The following DLGAP3 variants were observed in gnomAD, a reference collection of about 807,000 sequenced individuals.
DLGAP3 encodes disks large-associated protein 3.
Under a neutral mutation model 81.2 loss-of-function variants are expected in DLGAP3, and 17 were observed. That is an observed-to-expected ratio of 0.21 (90% CI 0.14 to 0.31). The LOEUF is 0.31. Ranked by LOEUF, DLGAP3 falls within the 10% of genes least tolerant of loss-of-function variation. The pLI is 1.00. For synonymous variants in DLGAP3, 577 were observed against 587.4 expected, an observed-to-expected ratio of 0.98 and a Z score of 0.26; for missense variants, 1,124 against 1,388.0, an observed-to-expected ratio of 0.81 and a Z score of 3.02.
Position 34,905,216 on chromosome 1 carries a change from G to A in DLGAP3, c.168C>T (p.His56=). 1 of 1,595,456 alleles carries A rather than the reference G, an allele frequency of 6.3e-7. No individual in the cohort carries two copies. ...GGCTCAGGGGCCCTTCAGGAGAAAT[G>A]TGTCCCAGGCCAGCTCTCGGGGCAC... The part of the protein sequence containing the change: ...RFCAPRAGLG[H]ISPEGPLSLS... Residue 56 remains histidine, a synonymous_variant, in exon 3 of 12, where the codon CAC becomes CAT. Transcript: ENST00000373347.
chr1:34,885,142 C>G (rs1557468581), intron 7 of DLGAP3, 79 bp from the exon 8 acceptor site: 1 of 1,361,026 alleles, frequency 7.3e-7, no homozygotes. Flanking sequence ...CTAGCAATGG[C>G]TGCGCCCCAA....
At chr1:34,910,345 G>T (rs1639620023) in intron 1 of DLGAP3, among the ~76,000 whole-genome samples, 1 of 152,110 alleles carries the variant, frequency 6.6e-6, no homozygotes, top group South Asian at 2.1e-4. Flanking sequence ...CTCCTAACTG[G>T]TCTCCCTGCT....
chr1:34,925,534 G>A (rs1027369288), intron 1 of DLGAP3: 1 of 152,280 alleles, frequency 6.6e-6, no homozygotes, highest in Non-Finnish European at 1.5e-5. Context: ...GGGGAGAGGG[G>A]AGAGGGGAAG....
At chr1:34,897,118 A>G (rs1014322923) in intron 5 of DLGAP3, among the ~76,000 whole-genome samples, 8 of 152,220 alleles carry the variant, frequency 5.3e-5, no homozygotes, top group African/African-American at 1.7e-4. Flanking sequence ...AAACGAAAAA[A>G]AAATAGACTG....
Position 34,902,361 on chromosome 1 carries a change from G to C in DLGAP3, c.1107+1916C>G, listed in dbSNP as rs577086948. Among the ~76,000 whole-genome samples, 434 of 152,226 alleles carry C rather than the reference G, an allele frequency of 2.9e-3. 4 individuals are homozygous for C. The highest frequency in any genetic ancestry group is 1.0e-2 in the African/African-American group (414 of 41,542). Reference sequence around the variant, plus strand: ...CTCTTCAAGGGGCTAGGGCTCATTTGGATGATGGGAAACAAAGAGATGAGG... The same window carrying C: ...CTCTTCAAGGGGCTAGGGCTCATTTCGATGATGGGAAACAAAGAGATGAGG... On this transcript the variant is annotated intron_variant, in intron 3 of 11. Transcript: ENST00000373347. This position sits in a 1 kb window ranked among gnomAD's most constrained non-coding sequence, Gnocchi z 4.4.
intron 8 of DLGAP3, among the ~76,000 whole-genome samples, chr1:34,869,456 C>G (rs1638945150): frequency 6.7e-6 from 1 of 150,102 alleles, no homozygotes. Flanking sequence ...TGGCTCTTTA[C>G]CAGTGAAGGC....
chr1:34,913,951 T>C (rs1167343322), intron 1 of DLGAP3, among the ~76,000 whole-genome samples: 3 of 152,174 alleles, frequency 2.0e-5, no homozygotes, highest in African/African-American at 7.2e-5. Flanking sequence ...CCCCCAGATA[T>C]GTCCCTCTGC....
intron 2 of DLGAP3, among the ~76,000 whole-genome samples, chr1:34,906,710 T>A (rs935133843): frequency 6.6e-6 from 1 of 152,146 alleles, no homozygotes; most frequent in African/African-American, 2.4e-5. Flanking sequence ...TAAACTGGGA[T>A]TGGAACCCAG....
intron 2 of DLGAP3, among the ~76,000 whole-genome samples, chr1:34,906,016 T>TTTTTTATATATATATA (rs60469155): frequency 9.3e-5 from 6 of 64,806 alleles, no homozygotes; most frequent in Non-Finnish European, 1.4e-4. Context: ...GCCTCTAAAT[T>TTTTTTATATATATATA]TATATATATA....
chr1:34,900,022 G>A lies in DLGAP3; in HGVS notation c.1313+46C>T. 1 of 1,522,896 alleles carries A rather than the reference G, an allele frequency of 6.6e-7. No individual in the cohort carries two copies. The highest frequency in any genetic ancestry group is 9.0e-7 in the Non-Finnish European group (1 of 1,106,964). 94.3% of individuals were successfully genotyped at this position (1,522,896 alleles called of 1,614,324 possible). A position where few individuals can be genotyped will look rare whatever the true frequency, so the allele number is the denominator to read the frequency against. On this transcript the variant is annotated intron_variant, in intron 4 of 11. Transcript: ENST00000373347. The surrounding 1 kb of genome is among the most constrained non-coding windows in gnomAD (Gnocchi z 5.6). Reference sequence around the variant, plus strand: ...TACACACATCTCCCGCAGGAGTCCAGCATCAGCCTCCTGACCCCGCACCCC... The same window carrying A: ...TACACACATCTCCCGCAGGAGTCCAACATCAGCCTCCTGACCCCGCACCCC...
chr1:34,924,079 C>T (rs914844638), intron 1 of DLGAP3, among the ~76,000 whole-genome samples: 1 of 152,132 alleles, frequency 6.6e-6, no homozygotes, highest in African/African-American at 2.4e-5. Context: ...GCTCTCATCC[C>T]CCTGGGATGA....
intron 5 of DLGAP3, among the ~76,000 whole-genome samples, chr1:34,891,563 C>G (rs549713088): frequency 2.0e-5 from 3 of 152,224 alleles, no homozygotes; most frequent in African/African-American, 7.2e-5. Context: ...GAGCCACCCA[C>G]ACATCCCTAG....
At chr1:34,899,614 T>G in intron 5 of DLGAP3, 55 bp downstream of exon 5, 1 of 1,433,300 alleles carries the variant, frequency 7.0e-7, no homozygotes, top group African/African-American at 1.4e-5. Flanking sequence ...AAGCTGAGCA[T>G]GGGACTGAAT....
At position 34,865,730 on chromosome 1, in the gene DLGAP3, G is replaced by C. The variant is rs1014771896; in HGVS notation, c.*353C>G. Reference sequence around the variant, plus strand: ...CCCAGCCCCGCGGGGTGGGGGAGGGGGGGACGCAGAGCCCAGATGAGGGAC... The same window carrying C: ...CCCAGCCCCGCGGGGTGGGGGAGGGCGGGACGCAGAGCCCAGATGAGGGAC... On this transcript the variant is annotated 3_prime_UTR_variant, in exon 12 of 12. Coordinates refer to ENST00000373347, the MANE Select transcript of DLGAP3 (RefSeq NM_001080418.3). The C allele has an allele frequency of 5.8e-5, 20 of 343,968 alleles. No homozygotes were observed. The highest frequency in any genetic ancestry group is 3.9e-4 in the African/African-American group (17 of 44,108). The allele number at this position is 343,968 out of a possible 1,614,324, so 21.3% of individuals were successfully genotyped here.
chr1:34,893,819 T>TA (rs1639348430), intron 5 of DLGAP3, among the ~76,000 whole-genome samples: 1 of 152,216 alleles, frequency 6.6e-6, no homozygotes, highest in Admixed American at 6.5e-5. Flanking sequence ...ATTGATTTAA[T>TA]ACAAAAGAAG....
At chr1:34,911,037 C>G (rs1280317751) in intron 1 of DLGAP3, among the ~76,000 whole-genome samples, 2 of 147,982 alleles carry the variant, frequency 1.4e-5, no homozygotes, top group Admixed American at 1.4e-4. Flanking sequence ...CCCCCCACCA[C>G]CTTCCAGTGT....
At chr1:34,888,983 C>T (rs973281408) in intron 5 of DLGAP3, among the ~76,000 whole-genome samples, 3 of 152,206 alleles carry the variant, frequency 2.0e-5, no homozygotes, top group African/African-American at 7.2e-5. Context: ...CGAGTCCAGA[C>T]ACCAGGGATG....
In DLGAP3 at chr1:34,900,253, C is replaced by A; in HGVS notation, c.1128G>T (p.Gly376=). 1 of 1,614,028 alleles carries A rather than the reference C, an allele frequency of 6.2e-7. No homozygotes were observed. The highest frequency in any genetic ancestry group is 1.3e-5 in the African/African-American group (1 of 75,058). The change falls in exon 4 of 12, where the codon GGG becomes GGT. Residue 376 remains glycine (G), a synonymous_variant. Coordinates refer to ENST00000373347, the MANE Select transcript of DLGAP3 (RefSeq NM_001080418.3). The surrounding 1 kb of genome is among the most constrained non-coding windows in gnomAD (Gnocchi z 5.6). Reference sequence around the variant, plus strand: ...CATCCTTGCCACCGGTGGGGTAACCCCCCCAGTCATCTTGCGGCACCTGCA... The same window carrying A: ...CATCCTTGCCACCGGTGGGGTAACCACCCCAGTCATCTTGCGGCACCTGCA... ...HYLQVPQDDW[G]GYPTGGKDGE...
rs756313862 is a variant in DLGAP3, at chr1:34,904,613, G to A, written c.771C>T (p.Ser257=). The part of the protein sequence containing the change: ...RKGDGRHQAK[S]TGWWSSDDNL... ...TGTCATCGGAACTCCACCAGCCTGT[G>A]GACTTGGCCTGGTGCCGCCCATCCC... is the stretch of plus-strand genomic sequence containing the variant. Residue 257 remains serine, a synonymous_variant, in exon 3 of 12, where the codon TCC becomes TCT. Coordinates refer to ENST00000373347, the MANE Select transcript of DLGAP3 (RefSeq NM_001080418.3). This position sits in a 1 kb window ranked among gnomAD's most constrained non-coding sequence, Gnocchi z 8.1. The A allele has an allele frequency of 1.2e-6, 2 of 1,614,220 alleles. No individual in the cohort carries two copies. The highest frequency in any genetic ancestry group is 4.5e-5 in the East Asian group (2 of 44,880).
Sources: gnomAD v4.1 joint callset for allele counts (sites outside exome capture counted in the v4.1 genomes callset) on GRCh38, gnomAD v4.1.1 for gene constraint, Gnocchi (gnomAD v3.1) non-coding constraint, MANE v1.5 for transcripts, NCBI Gene and HGNC (gene_info 2026-07-23, HGNC 2026-07-21) for gene names.